PKN2: variants seen among roughly 807,000 people sequenced by gnomAD.
The protein encoded by PKN2 is serine/threonine-protein kinase N2.
In PKN2, 38 loss-of-function variants were observed where a neutral mutation model predicts 119.1. The ratio of observed to expected loss-of-function variants is 0.32; its 90% CI spans 0.25 to 0.42. The LOEUF is 0.42. Among genes scored for constraint, PKN2 ranks in the 10% least tolerant of loss-of-function variants. The pLI is 1.00. For synonymous variants in PKN2, 390 were observed against 384.9 expected (o/e 1.01, Z -0.15); for missense variants, 850 against 1,165.1 (o/e 0.73, Z 3.94).
chr1:88,814,667 A>G (rs773070015), intron 16 of PKN2, among the ~76,000 whole-genome samples: 3 of 152,106 alleles, frequency 2.0e-5, no homozygotes, highest in Non-Finnish European at 4.4e-5. Flanking sequence ...TATTTTATTA[A>G]ACAGCAATAC....
chr1:88,700,453 G>A (rs552022847), intron 1 of PKN2, among the ~76,000 whole-genome samples: 2 of 151,934 alleles, frequency 1.3e-5, no homozygotes, highest in Admixed American at 6.6e-5. Context: ...GACCTACTTC[G>A]TTTGACCATA....
chr1:88,687,746 G>A (rs925815010), intron 1 of PKN2, among the ~76,000 whole-genome samples: 1 of 149,946 alleles, frequency 6.7e-6, no homozygotes, highest in Non-Finnish European at 1.5e-5. Flanking sequence ...AATTACAGGG[G>A]TTAATTTCAC....
intron 2 of PKN2, among the ~76,000 whole-genome samples, chr1:88,757,444 T>C (rs1310518958): frequency 2.6e-5 from 4 of 152,180 alleles, no homozygotes; most frequent in Non-Finnish European, 5.9e-5. Context: ...TTTAGATTAA[T>C]TAACAAATTA....
intron 3 of PKN2, among the ~76,000 whole-genome samples, chr1:88,763,102 C>T (rs914243403): frequency 3.9e-5 from 6 of 152,134 alleles, no homozygotes; most frequent in African/African-American, 1.4e-4. Context: ...CCAGGTGATT[C>T]CAGTAGGGCT....
At chr1:88,831,981 T>C (rs1402500064) in intron 19 of PKN2, among the ~76,000 whole-genome samples, 1 of 152,024 alleles carries the variant, frequency 6.6e-6, no homozygotes, top group East Asian at 1.9e-4. Context: ...CTGAATATAA[T>C]GTAACTACTT....
intron 15 of PKN2, among the ~76,000 whole-genome samples, chr1:88,811,747 C>T (rs977983144): frequency 5.9e-5 from 9 of 152,156 alleles, no homozygotes; most frequent in African/African-American, 2.2e-4. Context: ...GGATATATCC[C>T]AAACCATACA....
At chr1:88,781,582 A>G (rs915007271) in intron 6 of PKN2, among the ~76,000 whole-genome samples, 1 of 152,050 alleles carries the variant, frequency 6.6e-6, no homozygotes, top group Non-Finnish European at 1.5e-5. Flanking sequence ...GTTTTAAGCT[A>G]TTTCTAATGT....
At chr1:88,731,685 C>A (rs1557572889) in intron 1 of PKN2, among the ~76,000 whole-genome samples, 1 of 152,200 alleles carries the variant, frequency 6.6e-6, no homozygotes, top group African/African-American at 2.4e-5. Flanking sequence ...TCTAACATTT[C>A]TTGGCATCTA....
chr1:88,756,206 A>G lies in PKN2; in HGVS notation c.350-4016A>G, dbSNP rs750334419. On this transcript the variant is annotated intron_variant, in intron 2 of 21. Transcript: ENST00000370521. ...CCACCATGCCCGGCCGGATATTTCA[A>G]TATCTTAGTACAACCTGCTGTAATG... Among the ~76,000 whole-genome samples the G allele has an allele frequency of 6.6e-5, 10 of 152,218 alleles. No homozygotes were observed. The South Asian group carries it at 8.3e-4, about 13-fold the overall frequency.
At chr1:88,727,495 T>C (rs1008671951) in intron 1 of PKN2, among the ~76,000 whole-genome samples, 7 of 152,222 alleles carry the variant, frequency 4.6e-5, no homozygotes, top group African/African-American at 1.7e-4. Context: ...TTTAATCCAC[T>C]GTACCAACCT....
At chr1:88,713,143 A>C (rs951014340) in intron 1 of PKN2, among the ~76,000 whole-genome samples, 3 of 152,200 alleles carry the variant, frequency 2.0e-5, no homozygotes, top group Non-Finnish European at 4.4e-5. Context: ...CATGGTGTAT[A>C]TGTGCCACAC....
chr1:88,701,445 T>C (rs1666765300), intron 1 of PKN2, among the ~76,000 whole-genome samples: 1 of 152,252 alleles, frequency 6.6e-6, no homozygotes, highest in Non-Finnish European at 1.5e-5. Flanking sequence ...AGTTCCTTTT[T>C]TTGAGTTTTG....
intron 1 of PKN2, among the ~76,000 whole-genome samples, chr1:88,726,287 C>T (rs1241757941): frequency 6.6e-6 from 1 of 152,118 alleles, no homozygotes; most frequent in Admixed American, 6.5e-5. Context: ...TAGTTTTTCA[C>T]CGTTACATAT....
intron 1 of PKN2, chr1:88,684,855 T>C: frequency 2.1e-6 from 1 of 483,568 alleles, no homozygotes; most frequent in Non-Finnish European, 3.7e-6. Context: ...TTGGTTTGAT[T>C]CTGCCTACCA....
chr1:88,711,827 CTG>C (rs1286765689), intron 1 of PKN2, among the ~76,000 whole-genome samples: 1 of 151,918 alleles, frequency 6.6e-6, no homozygotes, highest in Non-Finnish European at 1.5e-5. Context: ...GAGGAAGGAA[CTG>C]TATTTTATGT....
intron 2 of PKN2, among the ~76,000 whole-genome samples, chr1:88,746,100 A>C (rs1308692481): frequency 6.6e-6 from 1 of 152,122 alleles, no homozygotes; most frequent in Non-Finnish European, 1.5e-5. Flanking sequence ...TAAACCTTAT[A>C]CCTTTATACC....
chr1:88,820,231 TATAAATAGAA>T (rs1557635036), intron 16 of PKN2, among the ~76,000 whole-genome samples: 8 of 55,114 alleles, frequency 1.5e-4, no homozygotes, highest in African/African-American at 6.8e-4. Context: ...TATATATATA[TATAAATAGAA>T]AAAAATAAAA....
At chr1:88,701,838 A>G (rs1347701110) in intron 1 of PKN2, among the ~76,000 whole-genome samples, 2 of 152,238 alleles carry the variant, frequency 1.3e-5, no homozygotes, top group East Asian at 3.8e-4. Flanking sequence ...ATGAAAAGTC[A>G]AAGTTTAAAT....
chr1:88,806,274 A>G, intron 12 of PKN2: 1 of 402,338 alleles, frequency 2.5e-6, no homozygotes, highest in Non-Finnish European at 4.6e-6. Flanking sequence ...CCTGCAAGCC[A>G]TTCTCCTATC....
Sources: allele counts gnomAD v4.1 joint callset (sites outside exome capture counted in the v4.1 genomes callset), GRCh38; gene constraint gnomAD v4.1.1; transcripts MANE v1.5; gene names NCBI Gene and HGNC (gene_info 2026-07-23, HGNC 2026-07-21).